RBMS3: variants seen among roughly 807,000 people sequenced by gnomAD.
RBMS3 encodes the protein RNA binding motif single stranded interacting protein 3.
RBMS3 carries 27 observed loss-of-function variants against 66.8 expected under a neutral mutation model. That is an observed-to-expected ratio of 0.40 (90% confidence interval 0.30 to 0.56). The LOEUF is 0.56. RBMS3 is among the 20% of genes least tolerant of loss of function. The pLI is 0.40. For synonymous variants in RBMS3, 188 were observed against 183.0 expected, an observed-to-expected ratio of 1.03 and a Z score of -0.22; for missense variants, 513 against 549.5, an observed-to-expected ratio of 0.93 and a Z score of 0.66.
At position 29,515,563 on chromosome 3, in the gene RBMS3, C is replaced by T. The variant is rs114185000; in HGVS notation, c.307+27064C>T. Reference sequence around the variant, plus strand: ...AGGAAGACAGGCTGGAAGGATGTATCCTTTCTCTTGCATTCATGTGCTAAT... The same window carrying T: ...AGGAAGACAGGCTGGAAGGATGTATTCTTTCTCTTGCATTCATGTGCTAAT... On this transcript the variant is annotated intron_variant, in intron 3 of 14. Transcript: ENST00000383767. 3.9e-3 allele frequency among the ~76,000 whole-genome samples: 593 copies of T among 152,250 alleles called. 3 individuals carry two copies. Among genetic ancestry groups the T allele is most frequent in the African/African-American group, 0.014 (569 of 41,534 alleles).
At chr3:29,536,738 A>G (rs531215699) in intron 3 of RBMS3, among the ~76,000 whole-genome samples, 2 of 152,336 alleles carry the variant, frequency 1.3e-5, no homozygotes, top group East Asian at 1.9e-4. Flanking sequence ...TTTTGCTGTG[A>G]TGCTGCCCTA....
At chr3:29,798,359 G>A (rs1015726659) in intron 6 of RBMS3, among the ~76,000 whole-genome samples, 4 of 114,532 alleles carry the variant, frequency 3.5e-5, no homozygotes. Flanking sequence ...GAGAGGGGAG[G>A]GGAGGGAATG....
intron 1 of RBMS3, among the ~76,000 whole-genome samples, chr3:29,327,773 C>T (rs150814864): frequency 3.2e-4 from 48 of 152,230 alleles, no homozygotes; most frequent in African/African-American, 2.4e-5. Context: ...TTCCAAGGAT[C>T]GCATGCCCTG....
chr3:29,634,179 C>G (rs1429159089), intron 4 of RBMS3, among the ~76,000 whole-genome samples: 1 of 151,878 alleles, frequency 6.6e-6, no homozygotes, highest in Non-Finnish European at 1.5e-5. Context: ...TGATGCTGCT[C>G]TTCTTTGAGG....
chr3:29,511,176 A>G (rs2044391292), intron 3 of RBMS3, among the ~76,000 whole-genome samples: 1 of 152,150 alleles, frequency 6.6e-6, no homozygotes, highest in Non-Finnish European at 1.5e-5. Context: ...ATGCACCTGT[A>G]ATCCCAGCTA....
intron 4 of RBMS3, among the ~76,000 whole-genome samples, chr3:29,690,427 C>CA (rs2051951755): frequency 1.3e-5 from 2 of 151,786 alleles, no homozygotes; most frequent in African/African-American, 2.4e-5. Context: ...GACCCTGTCT[C>CA]AAAAAAATGA....
chr3:29,851,329 T>G (rs2058929686), intron 6 of RBMS3, among the ~76,000 whole-genome samples: 1 of 152,196 alleles, frequency 6.6e-6, no homozygotes, highest in African/African-American at 2.4e-5. Context: ...CTGCAATCAC[T>G]GAAGATTCTG....
intron 3 of RBMS3, among the ~76,000 whole-genome samples, chr3:29,515,311 A>G (rs1336899898): frequency 6.6e-6 from 1 of 152,234 alleles, no homozygotes; most frequent in Non-Finnish European, 1.5e-5. Context: ...TGATGTCTTC[A>G]AAGTGCAGTG....
At chr3:29,300,416 A>G (rs12639436) in intron 1 of RBMS3, among the ~76,000 whole-genome samples, 65,798 of 151,802 alleles carry the variant, frequency 0.43, 14,488 homozygotes, top group Admixed American at 0.48. Flanking sequence ...CTGTCCATCA[A>G]TAAAGGAATA....
intron 1 of RBMS3, among the ~76,000 whole-genome samples, chr3:29,296,152 C>A (rs901871041): frequency 6.6e-6 from 1 of 151,780 alleles, no homozygotes; most frequent in South Asian, 2.1e-4. Context: ...ATTCTAGGAT[C>A]TCATTACTTG....
At chr3:29,881,391 C>T (rs181730633) in intron 7 of RBMS3, among the ~76,000 whole-genome samples, 7 of 152,198 alleles carry the variant, frequency 4.6e-5, no homozygotes, top group East Asian at 1.9e-4. Flanking sequence ...GCTTTACAAA[C>T]GTAATCTCTT....
At chr3:29,843,955 GA>G (rs377050206) in intron 6 of RBMS3, among the ~76,000 whole-genome samples, 2,210 of 120,834 alleles carry the variant, frequency 0.018, 37 homozygotes, top group African/African-American at 0.054. Context: ...CTTTCTCAAA[GA>G]AAAAAAAAAA....
intron 4 of RBMS3, among the ~76,000 whole-genome samples, chr3:29,620,965 A>G (rs1226197699): frequency 2.6e-5 from 4 of 152,182 alleles, no homozygotes; most frequent in African/African-American, 9.6e-5. Flanking sequence ...ATCTGAACAT[A>G]TCTATTAAGA....
chr3:29,793,239 A>AAG (rs1286963185), intron 6 of RBMS3, among the ~76,000 whole-genome samples: 1 of 151,746 alleles, frequency 6.6e-6, no homozygotes, highest in Non-Finnish European at 1.5e-5. Flanking sequence ...TCAAAAAAAA[A>AAG]AAGAAAAAGG....
intron 6 of RBMS3, among the ~76,000 whole-genome samples, chr3:29,816,272 C>T (rs1220257290): frequency 2.7e-5 from 4 of 150,938 alleles, no homozygotes; most frequent in Admixed American, 2.0e-4. Flanking sequence ...ATGTGCATCC[C>T]CCTGTGCGCG....
At chr3:29,771,529 A>C (rs906094137) in intron 6 of RBMS3, among the ~76,000 whole-genome samples, 1 of 152,086 alleles carries the variant, frequency 6.6e-6, no homozygotes, top group Non-Finnish European at 1.5e-5. Flanking sequence ...GTTAGGTTAC[A>C]TGAAAAAGAG....
chr3:29,636,142 C>T (rs2049465337), intron 4 of RBMS3, among the ~76,000 whole-genome samples: 1 of 151,466 alleles, frequency 6.6e-6, no homozygotes, highest in Non-Finnish European at 1.5e-5. Flanking sequence ...TGAAAAAATA[C>T]CCATGGTTTA....
chr3:29,930,109 C>CTTTCTTTCTTT lies in RBMS3; in HGVS notation c.940-5974_940-5973insCTTTCTTTTTT, dbSNP rs71091082. On this transcript the variant is annotated intron_variant, in intron 10 of 14. Transcript: ENST00000383767. The stretch of plus-strand genomic sequence containing the variant: ...TACTTTGTGTCACTTTTCTTTCTTT[C>CTTTCTTTCTTT]TTTTTTTTTTTTTTTTTTTTGAGAT... Among the ~76,000 whole-genome samples the CTTTCTTTCTTT allele has an allele frequency of 4.4e-4, 19 of 43,522 alleles. 4 individuals are homozygous for CTTTCTTTCTTT. Among genetic ancestry groups the CTTTCTTTCTTT allele is most frequent in the Non-Finnish European group, 7.8e-4 (15 of 19,298 alleles). The allele number at this position is 43,522 out of a possible 152,430, so 28.6% of individuals were successfully genotyped here.
At chr3:29,313,479 G>C (rs2034499373) in intron 1 of RBMS3, among the ~76,000 whole-genome samples, 1 of 151,652 alleles carries the variant, frequency 6.6e-6, no homozygotes, top group African/African-American at 2.4e-5. Context: ...CTTCTGCCTT[G>C]AACAAGGAAA....
Sources: gnomAD v4.1 joint callset for allele counts (sites outside exome capture counted in the v4.1 genomes callset) on GRCh38, gnomAD v4.1.1 for gene constraint, MANE v1.5 for transcripts, NCBI Gene and HGNC (gene_info 2026-07-23, HGNC 2026-07-21) for gene names.